WASF3: variants seen among roughly 807,000 people sequenced by gnomAD.
WASF3 encodes WASP family member 3.
Under a neutral mutation model 46.6 loss-of-function variants are expected in WASF3, and 11 were observed. The observed-to-expected ratio is 0.24, with a 90% CI of 0.15 to 0.39. WASF3 has a LOEUF of 0.39. Among genes scored for constraint, WASF3 ranks in the 10% least tolerant of loss-of-function variants. The pLI, the probability that WASF3 is intolerant of heterozygous loss-of-function variation, is 1.00. For missense variants in WASF3, 576 were observed against 669.8 expected (o/e 0.86, Z 1.55); for synonymous variants, 242 against 259.7 (o/e 0.93, Z 0.65).
chr13:26,661,062 T>C (rs1463509321), intron 3 of WASF3, among the ~76,000 whole-genome samples: 1 of 152,218 alleles, frequency 6.6e-6, no homozygotes, highest in African/African-American at 2.4e-5. Context: ...GGCATTAGTC[T>C]ATTCACGAGG....
At chr13:26,561,256 A>T (rs969365440) in intron 1 of WASF3, among the ~76,000 whole-genome samples, 1 of 152,092 alleles carries the variant, frequency 6.6e-6, no homozygotes, top group Admixed American at 6.6e-5. Context: ...TGGAGAATGG[A>T]TTAGAAGAGG....
chr13:26,653,862 G>A (rs1054450251), intron 3 of WASF3, among the ~76,000 whole-genome samples: 2 of 152,124 alleles, frequency 1.3e-5, no homozygotes, highest in Admixed American at 1.3e-4. Context: ...ATTTCTAATA[G>A]GTATCTCTAA....
At chr13:26,626,489 G>A (rs1057351834) in intron 2 of WASF3, among the ~76,000 whole-genome samples, 1 of 152,200 alleles carries the variant, frequency 6.6e-6, no homozygotes, top group Non-Finnish European at 1.5e-5. Context: ...ACTGAAGTTT[G>A]GCCAAGCAAA....
At position 26,640,476 on chromosome 13, in the gene WASF3, A is replaced by T. The variant is rs540849009; in HGVS notation, c.-10-1785A>T. ...GAGTGCAGTGCCACGATTTTGGCTC[A>T]CTGCAATCTCTGCCTCCTGGGTTCA... On this transcript the variant is annotated intron_variant, in intron 2 of 9. Transcript: ENST00000335327. 4 of 150,344 alleles carry T rather than the reference A, an allele frequency of 2.7e-5. No individual in the cohort carries two copies. The South Asian group carries it at 8.4e-4, about 32-fold the overall frequency. The allele number at this position is 150,344 out of a possible 1,614,324, so 9.3% of individuals were successfully genotyped here.
At chr13:26,652,439 GC>G (rs1291679079) in intron 3 of WASF3, among the ~76,000 whole-genome samples, 4 of 152,132 alleles carry the variant, frequency 2.6e-5, no homozygotes, top group Non-Finnish European at 4.4e-5. Flanking sequence ...AACAAGTACC[GC>G]TCAGTAATTG....
intron 1 of WASF3, among the ~76,000 whole-genome samples, chr13:26,600,257 A>G (rs1008478298): frequency 3.3e-5 from 5 of 152,202 alleles, no homozygotes; most frequent in African/African-American, 9.6e-5. Context: ...AGAGAAGGCT[A>G]GTGGTTAAAA....
chr13:26,611,283 A>C (rs936960802), intron 1 of WASF3, among the ~76,000 whole-genome samples: 1 of 152,188 alleles, frequency 6.6e-6, no homozygotes, highest in African/African-American at 2.4e-5. Context: ...TGGAGATATT[A>C]CCTGCCTGTG....
intron 1 of WASF3, among the ~76,000 whole-genome samples, chr13:26,610,969 G>T (rs9507745): frequency 0.16 from 23,899 of 149,096 alleles, 2,383 homozygotes; most frequent in South Asian, 0.27. Context: ...CAGCAGCAAA[G>T]AAAAAGGCAT....
chr13:26,574,732 A>T (rs1879741261), intron 1 of WASF3, among the ~76,000 whole-genome samples: 1 of 151,746 alleles, frequency 6.6e-6, no homozygotes. Flanking sequence ...TTATTGTTTG[A>T]TGTGTTTTTC....
At chr13:26,630,490 C>T (rs1017203843) in intron 2 of WASF3, among the ~76,000 whole-genome samples, 1 of 152,200 alleles carries the variant, frequency 6.6e-6, no homozygotes, top group African/African-American at 2.4e-5. Context: ...GACATGAACT[C>T]ATCCTTTTTT....
intron 1 of WASF3, among the ~76,000 whole-genome samples, chr13:26,580,237 C>A (rs1052169447): frequency 6.6e-6 from 1 of 152,038 alleles, no homozygotes; most frequent in Non-Finnish European, 1.5e-5. Context: ...AAAAAATCTC[C>A]AACTTTTACC....
At chr13:26,630,827 T>G (rs1881630049) in intron 2 of WASF3, among the ~76,000 whole-genome samples, 1 of 152,230 alleles carries the variant, frequency 6.6e-6, no homozygotes, top group Non-Finnish European at 1.5e-5. Context: ...ATATGTTGTT[T>G]CCTGACTTTT....
chr13:26,654,215 C>CACTAGCCT (rs1159312900), intron 3 of WASF3, among the ~76,000 whole-genome samples: 1 of 152,184 alleles, frequency 6.6e-6, no homozygotes, highest in Non-Finnish European at 1.5e-5. Context: ...CCCCATCACT[C>CACTAGCCT]ACTAGCCTTT....
chr13:26,569,157 GAA>G (rs1879559167), intron 1 of WASF3, among the ~76,000 whole-genome samples: 1 of 152,134 alleles, frequency 6.6e-6, no homozygotes, highest in African/African-American at 2.4e-5. Flanking sequence ...AGTAGGGAGA[GAA>G]AATAAAATCA....
rs190996944 is a variant in WASF3 at position 26,682,585 on chromosome 13, A to C, written c.984-22A>C. ...ACCCTCTCTTGTTCCCTTGGTGACT[A>C]TGTGCCTCATATCTCTCTCAGGATG... On this transcript the variant is annotated intron_variant, in intron 8 of 9. Coordinates refer to ENST00000335327, the MANE Select transcript of WASF3 (RefSeq NM_006646.6). The surrounding 1 kb of genome is among the most constrained non-coding windows in gnomAD (Gnocchi z 4.4). The C allele has an allele frequency of 6.2e-7, 1 of 1,613,918 alleles. No homozygotes were observed. Among genetic ancestry groups the C allele is most frequent in the African/African-American group, 1.3e-5 (1 of 75,034 alleles).
At chr13:26,571,871 T>C (rs1480513869) in intron 1 of WASF3, among the ~76,000 whole-genome samples, 1 of 152,252 alleles carries the variant, frequency 6.6e-6, no homozygotes, top group Non-Finnish European at 1.5e-5. Context: ...TCTGCTTTCA[T>C]GTGCCTTTCA....
intron 1 of WASF3, among the ~76,000 whole-genome samples, chr13:26,592,613 C>A (rs9512278): frequency 0.16 from 24,020 of 152,084 alleles, 2,401 homozygotes; most frequent in South Asian, 0.26. Flanking sequence ...CAGCTCCCAC[C>A]CTATGACCTC....
chr13:26,645,985 GA>G (rs1451110972), intron 3 of WASF3, among the ~76,000 whole-genome samples: 1 of 152,216 alleles, frequency 6.6e-6, no homozygotes, highest in Non-Finnish European at 1.5e-5. Context: ...CCCAAATTTG[GA>G]AAGTAAGTAC....
intron 3 of WASF3, 37 bp downstream of exon 3, chr13:26,642,440 C>G: frequency 1.3e-6 from 2 of 1,550,306 alleles, no homozygotes; most frequent in Non-Finnish European, 1.7e-6. Flanking sequence ...ATGACATTAA[C>G]TTTTTGTTAG....
Sources: allele counts gnomAD v4.1 joint callset (sites outside exome capture counted in the v4.1 genomes callset), GRCh38; gene constraint gnomAD v4.1.1; non-coding constraint Gnocchi (gnomAD v3.1); transcripts MANE v1.5; gene names NCBI Gene and HGNC (gene_info 2026-07-23, HGNC 2026-07-21).